The following PRELID2 variants were observed in gnomAD, a reference collection of about 807,000 sequenced individuals.
PRELID2 encodes the protein PRELI domain containing 2.
PRELID2 carries 25 observed loss-of-function variants against 28.4 expected under a neutral mutation model. The observed-to-expected ratio is 0.88, with a 90% CI of 0.64 to 1.23. The LOEUF (loss-of-function observed/expected upper bound fraction) is 1.23, where lower values mean the gene tolerates loss of function less well. PRELID2 is among the 50% of genes most tolerant of loss of function. The probability of loss-of-function intolerance (pLI) is 0.00; values close to 1 mark genes in which losing one functional copy is unlikely to be tolerated. For missense variants in PRELID2, 201 were observed against 214.4 expected (o/e 0.94, Z 0.39); for synonymous variants, 76 against 71.6 (o/e 1.06, Z -0.31).
chr5:145,432,536 C>T, the PRELID2 span, among the ~76,000 whole-genome samples: 1 of 151,702 alleles, frequency 6.6e-6, no homozygotes, highest in Non-Finnish European at 1.5e-5. Flanking sequence ...AAATTCAAAG[C>T]TGCCATGGAC....
Position 145,820,004 on chromosome 5 carries a change from C to A in PRELID2, c.148G>T (p.Val50Phe), listed in dbSNP as rs763998487. Residue 50 changes from valine (V) to phenylalanine (F), a missense_variant, in exon 3 of 7, where the codon GTC becomes TTC. By Grantham distance (50) the Val-to-Phe change is conservative (BLOSUM62 -1). Transcript: ENST00000683046. ...MEEKRDESTG[V>F]IYRKRIAICQ... ...ATTGCAATCCTCTTTCTGTAGATGACCCCTGTTGATTCATCTAAAAAAGAA... is the reference window on the plus strand; with the variant it reads ...ATTGCAATCCTCTTTCTGTAGATGAACCCTGTTGATTCATCTAAAAAAGAA... 1 of 1,595,880 alleles carries A rather than the reference C, an allele frequency of 6.3e-7. No individual in the cohort carries two copies. The highest frequency in any genetic ancestry group is 1.2e-5 in the South Asian group (1 of 86,768).
the PRELID2 span, among the ~76,000 whole-genome samples, chr5:145,331,694 G>A: frequency 6.6e-6 from 1 of 151,976 alleles, no homozygotes; most frequent in Non-Finnish European, 1.5e-5. Context: ...CCTGAATACA[G>A]CACACTGATG....
chr5:145,523,727 AAC>A (rs1443550390), intron 1 of PRELID2, among the ~76,000 whole-genome samples: 1 of 152,150 alleles, frequency 6.6e-6, no homozygotes. Flanking sequence ...CAGTATTAGC[AAC>A]ACTGGGAAGT....
the PRELID2 span, among the ~76,000 whole-genome samples, chr5:145,356,050 C>A: frequency 6.6e-6 from 1 of 152,128 alleles, no homozygotes; most frequent in Admixed American, 6.6e-5. Context: ...CTTACTAAAA[C>A]TCTCCAAAGT....
chr5:145,538,577 T>C (rs1659980972), intron 1 of PRELID2, among the ~76,000 whole-genome samples: 3 of 151,982 alleles, frequency 2.0e-5, no homozygotes, highest in Non-Finnish European at 4.4e-5. Context: ...GCTTTAAGCA[T>C]TCTGCTACTA....
At chr5:145,363,646 T>A in the PRELID2 span, among the ~76,000 whole-genome samples, 2 of 152,054 alleles carry the variant, frequency 1.3e-5, no homozygotes, top group Non-Finnish European at 2.9e-5. Flanking sequence ...GGTAAGAAAT[T>A]GTATCTTTAT....
chr5:145,341,375 T>C, the PRELID2 span, among the ~76,000 whole-genome samples: 2 of 152,098 alleles, frequency 1.3e-5, no homozygotes, highest in Admixed American at 6.6e-5. Flanking sequence ...AACAATTCAG[T>C]ACATGAGTGA....
chr5:145,373,010 TATATATTATATTACAACATATATA>T, the PRELID2 span, among the ~76,000 whole-genome samples: 1 of 119,136 alleles, frequency 8.4e-6, no homozygotes, highest in Non-Finnish European at 1.6e-5. Context: ...ATATATAATA[TATATATTATATTACAACATATATA>T]ATATGATATA....
intron 1 of PRELID2, among the ~76,000 whole-genome samples, chr5:145,480,546 T>G (rs1224569332): frequency 6.6e-6 from 1 of 152,010 alleles, no homozygotes; most frequent in African/African-American, 2.4e-5. Context: ...TACAGTTAAA[T>G]TACATTTACC....
At chr5:145,640,309 C>A (rs1754078911) in intron 1 of PRELID2, among the ~76,000 whole-genome samples, 1 of 151,370 alleles carries the variant, frequency 6.6e-6, no homozygotes, top group Admixed American at 6.6e-5. Flanking sequence ...CCCGTCTCTA[C>A]TAAAAAAATA....
the PRELID2 span, among the ~76,000 whole-genome samples, chr5:145,337,500 G>C: frequency 1.3e-5 from 2 of 151,432 alleles, no homozygotes; most frequent in Non-Finnish European, 2.9e-5. Flanking sequence ...CCATTCACAA[G>C]TTTCAGGTTA....
At chr5:145,724,632 T>A (rs181321888) in intron 1 of PRELID2, among the ~76,000 whole-genome samples, 27,338 of 119,822 alleles carry the variant, frequency 0.23, 5,570 homozygotes, top group African/African-American at 0.32. Context: ...TATATATATA[T>A]ATATATATAT....
chr5:145,530,453 T>A (rs1232425943), intron 1 of PRELID2, among the ~76,000 whole-genome samples: 1 of 151,416 alleles, frequency 6.6e-6, no homozygotes, highest in Non-Finnish European at 1.5e-5. Context: ...TGAGTAGGAG[T>A]TTACCAAATA....
At chr5:145,787,863 T>G (rs549077212) in intron 5 of PRELID2, among the ~76,000 whole-genome samples, 1 of 152,300 alleles carries the variant, frequency 6.6e-6, no homozygotes, top group South Asian at 2.1e-4. Context: ...TATGTATAAA[T>G]TGAACATAAT....
intron 1 of PRELID2, among the ~76,000 whole-genome samples, chr5:145,502,660 T>C (rs984454802): frequency 4.6e-5 from 7 of 152,128 alleles, no homozygotes; most frequent in South Asian, 2.1e-4. Flanking sequence ...GTCTCATTCA[T>C]CTCTTTTGCC....
chr5:145,612,463 A>T lies in PRELID2; in HGVS notation n.71-139148T>A, dbSNP rs541537539. On this transcript the variant is annotated intron_variant and non_coding_transcript_variant, in intron 1 of 2. Coordinates refer to the PRELID2 transcript ENST00000510259. ...ACAGACAATTCAACTTTATTTTTTT[A>T]ATTTTATTTTTCCATAGGTTATTGG... Among the ~76,000 whole-genome samples the T allele has an allele frequency of 5.3e-5, 8 of 152,220 alleles. No individual in the cohort carries two copies. In the East Asian group the frequency reaches 1.5e-3, roughly 29 times the overall value.
In PRELID2 at chr5:145,817,928, ACT is replaced by A; in HGVS notation, c.332_333del (p.Glu111ValfsTer50). 1 of 1,569,194 alleles carries A rather than the reference ACT, an allele frequency of 6.4e-7. No individual in the cohort carries two copies. The highest frequency in any genetic ancestry group is 2.3e-5 in the East Asian group (1 of 44,232). ...TTTTCCATACTTTCCCGGAAGACAG[ACT>A]CTTCCTTCATGGATGCATACTGTGT... The part of the protein sequence containing the change: ...TWTQYASMKE[E>X]SVFRESMENP... On this transcript the variant is annotated frameshift_variant, in exon 4 of 7. Coordinates refer to ENST00000683046, the MANE Select transcript of PRELID2 (RefSeq NM_205846.3). LOFTEE classifies it high-confidence loss of function.
chr5:145,635,420 A>G (rs1230097695), intron 1 of PRELID2, among the ~76,000 whole-genome samples: 1 of 152,182 alleles, frequency 6.6e-6, no homozygotes, highest in Non-Finnish European at 1.5e-5. Context: ...AATATAATAT[A>G]TACCAGGTAT....
At chr5:145,257,033 T>C in the PRELID2 span, among the ~76,000 whole-genome samples, 2 of 151,858 alleles carry the variant, frequency 1.3e-5, no homozygotes, top group African/African-American at 4.8e-5. Context: ...AAACTGGTGA[T>C]GCAGAAAGAA....
Sources: allele counts gnomAD v4.1 joint callset (sites outside exome capture counted in the v4.1 genomes callset), GRCh38; gene constraint gnomAD v4.1.1; transcripts MANE v1.5; gene names NCBI Gene and HGNC (gene_info 2026-07-23, HGNC 2026-07-21).